The following ZNF335 variants were observed in gnomAD, a reference collection of about 807,000 sequenced individuals.
ZNF335 encodes NRC-interacting factor 1.
ZNF335 carries 84 observed loss-of-function variants against 145.6 expected under a neutral mutation model. The observed-to-expected ratio is 0.58, with a 90% confidence interval of 0.48 to 0.69. The LOEUF (loss-of-function observed/expected upper bound fraction) is 0.69, where lower values mean the gene tolerates loss of function less well. Ranked by LOEUF, ZNF335 falls within the 30% of genes least tolerant of loss-of-function variation. The pLI, the probability that ZNF335 is intolerant of heterozygous loss-of-function variation, is 0.00. For synonymous variants in ZNF335, 761 were observed against 717.0 expected (o/e 1.06, Z -0.98); for missense variants, 1,865 against 1,809.7 (o/e 1.03, Z -0.55).
intron 17 of ZNF335, among the ~76,000 whole-genome samples, chr20:45,957,022 C>T (rs1476830667): frequency 6.6e-6 from 1 of 152,134 alleles, no homozygotes; most frequent in Non-Finnish European, 1.5e-5. Flanking sequence ...TCTCATGAGG[C>T]TGGGAAACAG....
rs777788549 is a variant in ZNF335, at chr20:45,963,654, C to A, written c.1356-4G>T. On this transcript the variant is annotated splice_region_variant and splice_polypyrimidine_tract_variant and intron_variant, in intron 8 of 27. Transcript: ENST00000322927. ...TTTGGGCGACTTGTAATAGTACCTG[C>A]AGGATGAGAGTGTGGCGGAAAGGTC... The A allele has an allele frequency of 5.0e-6, 8 of 1,613,932 alleles. No individual in the cohort carries two copies. In the African/African-American group the frequency reaches 6.7e-5, roughly 13 times the overall value.
At chr20:45,963,336 A>T in intron 9 of ZNF335, 137 bp downstream of exon 9, 1 of 1,025,564 alleles carries the variant, frequency 9.8e-7, no homozygotes, top group Non-Finnish European at 1.4e-6. Flanking sequence ...CCAGTGAGCC[A>T]GACACGCGTT....
intron 7 of ZNF335, chr20:45,964,394 C>A (rs369374332): frequency 5.8e-6 from 1 of 171,324 alleles, no homozygotes; most frequent in Non-Finnish European, 1.2e-5. Context: ...ATCTAAGGCT[C>A]GGGAAGCAAT....
chr20:45,966,573 C>CA (rs1443358922), intron 6 of ZNF335, among the ~76,000 whole-genome samples: 1 of 144,724 alleles, frequency 6.9e-6, no homozygotes, highest in East Asian at 2.1e-4. Context: ...TTTTCTGAGA[C>CA]AGAGTCTTGC....
intron 7 of ZNF335, 75 bp from the exon 8 acceptor site, chr20:45,964,065 A>G (rs2083905175): frequency 6.7e-7 from 1 of 1,489,638 alleles, no homozygotes. Context: ...GCCAGAGGCC[A>G]GCCAAAATAT....
rs1600517025 is a variant in ZNF335, at chr20:45,949,850, T to G, written c.3619A>C (p.Thr1207Pro). ...TGTACGGTCTGGCCATCTGCCGTGGTGATCTCTTGGATGTAGGCGGCTTCC... is the reference window on the plus strand; with the variant it reads ...TGTACGGTCTGGCCATCTGCCGTGGGGATCTCTTGGATGTAGGCGGCTTCC... ...QEEAAYIQEI[T>P]TADGQTVQHL... Residue 1207 changes from threonine to proline, a missense_variant, in exon 24 of 28, where the codon ACC (threonine) becomes CCC (proline). Coordinates refer to ENST00000322927, the MANE Select transcript of ZNF335 (RefSeq NM_022095.4). 1 of 1,614,092 alleles carries G rather than the reference T, an allele frequency of 6.2e-7. No homozygotes were observed.
chr20:45,960,437 A>G lies in ZNF335; in HGVS notation c.1859+12T>C. On this transcript the variant is annotated intron_variant, in intron 13 of 27. Coordinates refer to ENST00000322927, the MANE Select transcript of ZNF335 (RefSeq NM_022095.4). ...ACTGCTCCCGTCCCCAGGGGCCTCC[A>G]AGGGGATGTACCTGCGGTTGGCAAC... 1 of 1,614,138 alleles carries G rather than the reference A, an allele frequency of 6.2e-7. No individual in the cohort carries two copies. Among genetic ancestry groups the G allele is most frequent in the Non-Finnish European group, 8.5e-7 (1 of 1,179,990 alleles).
intron 15 of ZNF335, among the ~76,000 whole-genome samples, chr20:45,958,912 C>T (rs1055091191): frequency 2.6e-5 from 4 of 152,192 alleles, no homozygotes; most frequent in East Asian, 1.9e-4. Flanking sequence ...TATTCCCTTA[C>T]GACTGTATAA....
chr20:45,964,616 T>C (rs1018643197), intron 7 of ZNF335: 3 of 152,258 alleles, frequency 2.0e-5, no homozygotes, highest in African/African-American at 7.2e-5. Flanking sequence ...GCTTCTTGAC[T>C]GGGTTATACA....
chr20:45,954,842 A>G (rs2145367949), intron 17 of ZNF335, among the ~76,000 whole-genome samples: 1 of 136,898 alleles, frequency 7.3e-6, no homozygotes, highest in East Asian at 2.1e-4. Flanking sequence ...ATTACAGCTC[A>G]CTGCAGCCTC....
At position 45,950,001 on chromosome 20, in the gene ZNF335, T is replaced by C. The variant is rs773452439; in HGVS notation, c.3556A>G (p.Ile1186Val). 2 of 1,614,044 alleles carry C rather than the reference T, an allele frequency of 1.2e-6. No individual in the cohort carries two copies. The highest frequency in any genetic ancestry group is 1.1e-5 in the South Asian group (1 of 91,094). The change falls in exon 23 of 28, where the codon ATC becomes GTC. Residue 1186 changes from isoleucine (I) to valine (V), a missense_variant. Transcript: ENST00000322927. ...ACTGTCTGTTCCTGGGCAACGATGA[T>C]GTGTTCCTGGCTCAGTGCCTGCTGT... ...RLQQALSQEH[I>V]IVAQEQTVTN...
At chr20:45,950,407 C>T in intron 21 of ZNF335, 34 bp from the exon 22 acceptor site, 3 of 1,612,440 alleles carry the variant, frequency 1.9e-6, no homozygotes, top group Non-Finnish European at 2.5e-6. Context: ...AGGTTAGCTC[C>T]ACCATACATG....
chr20:45,968,525 A>T, intron 3 of ZNF335, 163 bp from the exon 4 acceptor site: 1 of 593,032 alleles, frequency 1.7e-6, no homozygotes, highest in Non-Finnish European at 3.0e-6. Flanking sequence ...GCCTCAGTTG[A>T]CTCCCCTGGC....
At chr20:45,955,453 ATC>A (rs1309360432) in intron 17 of ZNF335, among the ~76,000 whole-genome samples, 1 of 151,490 alleles carries the variant, frequency 6.6e-6, no homozygotes, top group African/African-American at 2.4e-5. Flanking sequence ...ATACTGGCGT[ATC>A]TTTTTACAAG....
chr20:45,968,699 T>G (rs1342055936), intron 3 of ZNF335: 1 of 295,650 alleles, frequency 3.4e-6, no homozygotes, highest in East Asian at 5.8e-5. Context: ...CTGCACCACT[T>G]TCTTAGGGTT....
chr20:45,953,728 G>A lies in ZNF335; in HGVS notation c.2663C>T (p.Pro888Leu). ...AGGAGCTGATGTTCCCTCCTCCATA[G>A]GGGGTGCTGTGATGACACTGTAGCC... ...GTGYSVITAPPMEEGTSAPGT... is the reference protein window; with the variant it reads ...GTGYSVITAPLMEEGTSAPGT... The change falls in exon 18 of 28, where the codon CCT becomes CTT. Residue 888 changes from proline to leucine, a missense_variant. Physicochemically the swap from Pro to Leu is moderately conservative, Grantham distance 98. Coordinates refer to ENST00000322927, the MANE Select transcript of ZNF335 (RefSeq NM_022095.4). 1.2e-6 allele frequency: 2 copies of A among 1,614,106 alleles called. No homozygotes were observed. Among genetic ancestry groups the A allele is most frequent in the Non-Finnish European group, 1.7e-6 (2 of 1,180,008 alleles).
At chr20:45,971,535 C>A in intron 1 of ZNF335, 75 bp from the exon 2 acceptor site, 1 of 1,488,006 alleles carries the variant, frequency 6.7e-7, no homozygotes, top group Non-Finnish European at 8.9e-7. Flanking sequence ...CACCCATTTG[C>A]ACCCCTGCGC....
intron 11 of ZNF335, 41 bp from the exon 12 acceptor site, chr20:45,960,773 G>A (rs1246419422): frequency 2.5e-6 from 4 of 1,612,112 alleles, no homozygotes; most frequent in Admixed American, 1.7e-5. Flanking sequence ...GAAAGAAGTG[G>A]AGGAGGGAGG....
At chr20:45,970,986 C>T (rs1414410698) in intron 2 of ZNF335, among the ~76,000 whole-genome samples, 3 of 152,124 alleles carry the variant, frequency 2.0e-5, no homozygotes, top group Admixed American at 1.3e-4. Flanking sequence ...GCACTCTGTA[C>T]CTCGGCATCC....
Sources: allele counts gnomAD v4.1 joint callset (sites outside exome capture counted in the v4.1 genomes callset), GRCh38; gene constraint gnomAD v4.1.1; transcripts MANE v1.5; gene names NCBI Gene and HGNC (gene_info 2026-07-23, HGNC 2026-07-21).